The following CNTNAP2 variants were observed in gnomAD, a reference collection of about 807,000 sequenced individuals.
The protein encoded by CNTNAP2 is contactin-associated protein-like 2.
In CNTNAP2, 98 loss-of-function variants were observed where a neutral mutation model predicts 155.2. The observed-to-expected ratio is 0.63, with a 90% CI of 0.54 to 0.75. CNTNAP2 has a LOEUF of 0.75. Ranked by LOEUF, CNTNAP2 falls within the 30% of genes least tolerant of loss-of-function variation. The pLI, the probability that CNTNAP2 is intolerant of heterozygous loss-of-function variation, is 0.00. For synonymous variants in CNTNAP2, 651 were observed against 631.2 expected, an observed-to-expected ratio of 1.03 and a Z score of -0.47; for missense variants, 1,727 against 1,688.1, an observed-to-expected ratio of 1.02 and a Z score of -0.40.
chr7:147,746,806 G>A (rs190626318), intron 13 of CNTNAP2, among the ~76,000 whole-genome samples: 8 of 152,192 alleles, frequency 5.3e-5, no homozygotes, highest in Non-Finnish European at 4.4e-5. Context: ...CACATGAAAT[G>A]TGCACAGTTT....
chr7:146,279,672 AAG>A lies in CNTNAP2; in HGVS notation c.97+162702_97+162703del, dbSNP rs778708887. On this transcript the variant is annotated intron_variant, in intron 1 of 23. Transcript: ENST00000361727. ...TAAAAATAATAAGTATAATTTATAA[AAG>A]AGGGAATAAAATTGCAAAGTACAGA... Among the ~76,000 whole-genome samples, 12 of 152,198 alleles carry A rather than the reference AAG, an allele frequency of 7.9e-5. No homozygotes were observed. The East Asian group carries it at 1.2e-3, about 15-fold the overall frequency.
intron 4 of CNTNAP2, among the ~76,000 whole-genome samples, chr7:147,049,464 T>C (rs1799429872): frequency 6.6e-6 from 1 of 152,214 alleles, no homozygotes; most frequent in Non-Finnish European, 1.5e-5. Context: ...TACTCTGTTC[T>C]TGAGCTTAGT....
At position 146,656,351 on chromosome 7, in the gene CNTNAP2, G is replaced by A. The variant is rs112555443; in HGVS notation, c.98-117920G>A. 6.5e-3 allele frequency among the ~76,000 whole-genome samples: 994 copies of A among 152,140 alleles called. 8 individuals carry two copies. Among genetic ancestry groups the A allele is most frequent in the African/African-American group, 0.022 (923 of 41,500 alleles). ...ATTTCATCTTTCAAATCACTGAATCGTGAAAATTAGAAGTAACAAAAAAAA... is the reference window on the plus strand; with the variant it reads ...ATTTCATCTTTCAAATCACTGAATCATGAAAATTAGAAGTAACAAAAAAAA... On this transcript the variant is annotated intron_variant, in intron 1 of 23. Coordinates refer to ENST00000361727, the MANE Select transcript of CNTNAP2 (RefSeq NM_014141.6).
chr7:146,983,712 G>T (rs757838109), intron 3 of CNTNAP2, among the ~76,000 whole-genome samples: 1 of 152,068 alleles, frequency 6.6e-6, no homozygotes, highest in African/African-American at 2.4e-5. Context: ...TGTCTGTTAC[G>T]GTACAGATAT....
intron 14 of CNTNAP2, among the ~76,000 whole-genome samples, chr7:147,974,778 CAT>C (rs1373270432): frequency 3.3e-5 from 5 of 152,072 alleles, no homozygotes; most frequent in African/African-American, 9.7e-5. Flanking sequence ...TAAAATTAAA[CAT>C]GTGTACTTTA....
intron 8 of CNTNAP2, among the ~76,000 whole-genome samples, chr7:147,208,101 G>A (rs1221322504): frequency 2.0e-5 from 3 of 152,010 alleles, no homozygotes; most frequent in Non-Finnish European, 4.4e-5. Context: ...CCTTTGCAGA[G>A]AGTTTATACC....
intron 1 of CNTNAP2, among the ~76,000 whole-genome samples, chr7:146,529,245 G>A (rs985402471): frequency 6.6e-6 from 1 of 151,884 alleles, no homozygotes; most frequent in Admixed American, 6.6e-5. Context: ...CAATTTTTTT[G>A]TATGTTAACA....
chr7:146,939,651 C>G (rs1797004866), intron 3 of CNTNAP2, among the ~76,000 whole-genome samples: 1 of 152,008 alleles, frequency 6.6e-6, no homozygotes, highest in South Asian at 2.1e-4. Context: ...ATTCTTAACC[C>G]ATCAGTTTTT....
At chr7:146,555,034 G>T (rs1798176862) in intron 1 of CNTNAP2, among the ~76,000 whole-genome samples, 1 of 152,140 alleles carries the variant, frequency 6.6e-6, no homozygotes, top group Non-Finnish European at 1.5e-5. Flanking sequence ...AGAGATAGTG[G>T]ATGAAATCTT....
chr7:147,014,505 A>G (rs1464739545), intron 3 of CNTNAP2, among the ~76,000 whole-genome samples: 1 of 152,186 alleles, frequency 6.6e-6, no homozygotes, highest in East Asian at 1.9e-4. Context: ...ATAATTATTT[A>G]TTTAATTCAA....
chr7:146,967,732 A>G (rs1277905629), intron 3 of CNTNAP2, among the ~76,000 whole-genome samples: 1 of 152,160 alleles, frequency 6.6e-6, no homozygotes, highest in African/African-American at 2.4e-5. Context: ...GGTTTTCTAG[A>G]TATACTATCA....
chr7:146,621,307 G>A (rs1453801650), intron 1 of CNTNAP2, among the ~76,000 whole-genome samples: 2 of 152,128 alleles, frequency 1.3e-5, no homozygotes, highest in Non-Finnish European at 2.9e-5. Flanking sequence ...TTACCTTAAT[G>A]TGCTAACATT....
chr7:148,056,975 C>A (rs1256564708), intron 15 of CNTNAP2, among the ~76,000 whole-genome samples: 2 of 152,174 alleles, frequency 1.3e-5, no homozygotes, highest in African/African-American at 4.8e-5. Context: ...ACTTTATAGA[C>A]AAACAGACCT....
intron 13 of CNTNAP2, among the ~76,000 whole-genome samples, chr7:147,885,851 A>G (rs757625852): frequency 6.6e-6 from 1 of 152,180 alleles, no homozygotes; most frequent in Non-Finnish European, 1.5e-5. Context: ...AGGGAAGATG[A>G]GCACATAAAG....
intron 10 of CNTNAP2, among the ~76,000 whole-genome samples, chr7:147,434,707 A>C (rs1389259860): frequency 6.6e-6 from 1 of 152,188 alleles, no homozygotes; most frequent in Non-Finnish European, 1.5e-5. Context: ...AAAGTAAGTT[A>C]AGTGGTTTCT....
intron 13 of CNTNAP2, among the ~76,000 whole-genome samples, chr7:147,850,800 A>G (rs1798922678): frequency 6.6e-6 from 1 of 152,196 alleles, no homozygotes; most frequent in East Asian, 1.9e-4. Context: ...TAAATGTTAG[A>G]CCTAAAACCA....
chr7:148,221,489 T>G (rs1795746955), intron 19 of CNTNAP2, among the ~76,000 whole-genome samples: 1 of 152,108 alleles, frequency 6.6e-6, no homozygotes, highest in African/African-American at 2.4e-5. Context: ...GCTGGGTGGG[T>G]TCTGTCTCAC....
chr7:147,586,195 G>C (rs1188788916), intron 12 of CNTNAP2, among the ~76,000 whole-genome samples: 1 of 152,070 alleles, frequency 6.6e-6, no homozygotes, highest in Admixed American at 6.6e-5. Flanking sequence ...GGGTTGTGGA[G>C]ACAAAGGTTT....
intron 13 of CNTNAP2, among the ~76,000 whole-genome samples, chr7:147,749,860 G>T (rs1442570474): frequency 6.6e-6 from 1 of 152,184 alleles, no homozygotes; most frequent in Admixed American, 6.5e-5. Context: ...TCTGGCAATT[G>T]AAGAGATGTA....
Sources: allele counts gnomAD v4.1 joint callset (sites outside exome capture counted in the v4.1 genomes callset), GRCh38; gene constraint gnomAD v4.1.1; transcripts MANE v1.5; gene names NCBI Gene and HGNC (gene_info 2026-07-23, HGNC 2026-07-21).